The following PITPNC1 variants were observed in gnomAD, a reference collection of about 807,000 sequenced individuals.
The protein encoded by PITPNC1 is cytoplasmic phosphatidylinositol transfer protein 1.
PITPNC1 carries 18 observed loss-of-function variants against 44.7 expected under a neutral mutation model. The observed-to-expected ratio is 0.40, with a 90% CI of 0.28 to 0.60. The LOEUF (loss-of-function observed/expected upper bound fraction) is 0.60, where lower values mean the gene tolerates loss of function less well. PITPNC1 is among the 20% of genes least tolerant of loss of function. PITPNC1 has a pLI of 0.39. For missense variants in PITPNC1, 290 were observed against 418.4 expected (o/e 0.69, Z 2.68); for synonymous variants, 141 against 149.6 (o/e 0.94, Z 0.42).
chr17:67,572,478 G>T lies in PITPNC1; in HGVS notation c.295-5708G>T, dbSNP rs113501975. Among the ~76,000 whole-genome samples, 696 of 115,938 alleles carry T rather than the reference G, an allele frequency of 6.0e-3. 16 individuals carry two copies. The highest frequency in any genetic ancestry group is 0.021 in the African/African-American group (668 of 31,366). 76.1% of individuals were successfully genotyped at this position (115,938 alleles called of 152,430 possible). A position where few individuals can be genotyped will look rare whatever the true frequency, so the allele number is the denominator to read the frequency against. ...AGAAGCTGGGTAAAGCGGGGGGGGG[G>T]GGTAAAGAAGAAGGGGGGTGACTTT... On this transcript the variant is annotated intron_variant, in intron 4 of 8. Transcript: ENST00000581322.
At chr17:67,483,965 C>CT (rs2039740265) in intron 1 of PITPNC1, among the ~76,000 whole-genome samples, 1 of 146,628 alleles carries the variant, frequency 6.8e-6, no homozygotes, top group South Asian at 2.1e-4. Flanking sequence ...GTTGCCCAGG[C>CT]TGGAGTGCCG....
At chr17:67,456,444 A>C (rs2039255901) in intron 1 of PITPNC1, among the ~76,000 whole-genome samples, 1 of 151,944 alleles carries the variant, frequency 6.6e-6, no homozygotes. Flanking sequence ...ATGTTTTTTG[A>C]ATTATTTGTC....
chr17:67,631,673 A>ATATATATATATAT (rs1380540532), intron 5 of PITPNC1, among the ~76,000 whole-genome samples: 22 of 52,498 alleles, frequency 4.2e-4, no homozygotes, highest in South Asian at 2.0e-3. Context: ...TATATATATA[A>ATATATATATATAT]AATATATATT....
At chr17:67,544,499 C>CTGCTG (rs1265604321) in intron 2 of PITPNC1, among the ~76,000 whole-genome samples, 1 of 152,198 alleles carries the variant, frequency 6.6e-6, no homozygotes, top group Non-Finnish European at 1.5e-5. Flanking sequence ...ACCACCCTGG[C>CTGCTG]TGCTGGATTA....
chr17:67,573,093 T>C (rs537556803), intron 4 of PITPNC1, among the ~76,000 whole-genome samples: 6 of 152,206 alleles, frequency 3.9e-5, no homozygotes, highest in African/African-American at 9.6e-5. Flanking sequence ...GTTTGTGGAA[T>C]TGGCTACGAT....
chr17:67,598,287 G>A (rs2041486035), intron 5 of PITPNC1, among the ~76,000 whole-genome samples: 1 of 152,228 alleles, frequency 6.6e-6, no homozygotes, highest in South Asian at 2.1e-4. Context: ...TAGGAAGACA[G>A]AGAGAGATTG....
intron 1 of PITPNC1, among the ~76,000 whole-genome samples, chr17:67,511,871 AC>A (rs1458827258): frequency 6.6e-6 from 1 of 152,194 alleles, no homozygotes; most frequent in Non-Finnish European, 1.5e-5. Flanking sequence ...TACATTTTAA[AC>A]ATTTGTTTTG....
At chr17:67,636,472 CATAGGGCTG>C (rs2144341872) in intron 6 of PITPNC1, among the ~76,000 whole-genome samples, 1 of 152,226 alleles carries the variant, frequency 6.6e-6, no homozygotes, top group South Asian at 2.1e-4. Context: ...GAAGGGGCCC[CATAGGGCTG>C]AGCCCTGCAC....
intron 1 of PITPNC1, among the ~76,000 whole-genome samples, chr17:67,449,854 T>A (rs546816108): frequency 7.9e-5 from 12 of 152,340 alleles, no homozygotes; most frequent in South Asian, 2.1e-4. Flanking sequence ...GCTCAGATTT[T>A]AAAAAAATTC....
chr17:67,586,458 G>A (rs2041318522), intron 5 of PITPNC1, among the ~76,000 whole-genome samples: 1 of 151,542 alleles, frequency 6.6e-6, no homozygotes, highest in African/African-American at 2.4e-5. Context: ...AGCTGGGCGT[G>A]GTGGTGCATG....
intron 1 of PITPNC1, among the ~76,000 whole-genome samples, chr17:67,528,518 CA>C (rs1409185546): frequency 6.6e-6 from 1 of 152,136 alleles, no homozygotes; most frequent in Non-Finnish European, 1.5e-5. Flanking sequence ...GGCCTTTATT[CA>C]ACATACAAGT....
intron 1 of PITPNC1, among the ~76,000 whole-genome samples, chr17:67,501,779 G>A (rs539671679): frequency 6.6e-6 from 1 of 152,022 alleles, no homozygotes; most frequent in Non-Finnish European, 1.5e-5. Context: ...GTTGCAGTGA[G>A]CCAAGACTGT....
At chr17:67,685,040 C>T (rs1480935772) in intron 8 of PITPNC1, among the ~76,000 whole-genome samples, 1 of 152,198 alleles carries the variant, frequency 6.6e-6, no homozygotes, top group African/African-American at 2.4e-5. Context: ...TGTAGAGAAA[C>T]TTCTTTAAAT....
chr17:67,651,830 G>A (rs1372755397), intron 6 of PITPNC1, among the ~76,000 whole-genome samples: 1 of 152,134 alleles, frequency 6.6e-6, no homozygotes, highest in Non-Finnish European at 1.5e-5. Context: ...TAGCTGCTTT[G>A]AAAGCTCCTT....
chr17:67,384,671 C>T (rs1462613469), intron 1 of PITPNC1, among the ~76,000 whole-genome samples: 1 of 152,028 alleles, frequency 6.6e-6, no homozygotes, highest in African/African-American at 2.4e-5. Context: ...GTGATCTGCC[C>T]GCCTCGGCCT....
intron 5 of PITPNC1, among the ~76,000 whole-genome samples, chr17:67,626,405 C>T (rs1321834542): frequency 6.6e-6 from 1 of 152,162 alleles, no homozygotes; most frequent in East Asian, 1.9e-4. Context: ...AAGTCTTGCC[C>T]TGTCGCACAG....
At chr17:67,687,505 T>C (rs1047006200) in intron 8 of PITPNC1, among the ~76,000 whole-genome samples, 2 of 152,244 alleles carry the variant, frequency 1.3e-5, no homozygotes, top group African/African-American at 4.8e-5. Context: ...CGATGTCATA[T>C]GTAAACTAGA....
chr17:67,632,046 T>C, intron 5 of PITPNC1, 97 bp from the exon 6 acceptor site: 1 of 723,866 alleles, frequency 1.4e-6, no homozygotes. Context: ...CCCTGAGACG[T>C]GTGAAGATGC....
At chr17:67,449,595 T>C (rs4502258) in intron 1 of PITPNC1, among the ~76,000 whole-genome samples, 59,452 of 152,162 alleles carry the variant, frequency 0.39, 12,860 homozygotes, top group Non-Finnish European at 0.49. Flanking sequence ...ACAAGACATG[T>C]ACCATTGCTG....
Sources: gnomAD v4.1 joint callset for allele counts (sites outside exome capture counted in the v4.1 genomes callset) on GRCh38, gnomAD v4.1.1 for gene constraint, MANE v1.5 for transcripts, NCBI Gene and HGNC (gene_info 2026-07-23, HGNC 2026-07-21) for gene names.